Variants in DNAAF9 observed in about 807,000 individuals in gnomAD.
DNAAF9 encodes the protein shulin.
Under a neutral mutation model 167.0 loss-of-function variants are expected in DNAAF9, and 90 were observed. The ratio of observed to expected loss-of-function variants is 0.54; its 90% CI spans 0.45 to 0.64. The LOEUF (loss-of-function observed/expected upper bound fraction) is 0.64, where lower values mean the gene tolerates loss of function less well. Ranked by LOEUF, DNAAF9 falls within the 30% of genes least tolerant of loss-of-function variation. The pLI is 0.00. For synonymous variants in DNAAF9, 491 were observed against 508.8 expected, an observed-to-expected ratio of 0.96 and a Z score of 0.47; for missense variants, 1,315 against 1,442.2, an observed-to-expected ratio of 0.91 and a Z score of 1.43.
intron 29 of DNAAF9, among the ~76,000 whole-genome samples, chr20:3,271,681 T>G (rs888365570): frequency 4.0e-5 from 6 of 151,676 alleles, no homozygotes; most frequent in African/African-American, 1.5e-4. Context: ...GAGTGCAATG[T>G]TGCAATCTCA....
intron 6 of DNAAF9, among the ~76,000 whole-genome samples, chr20:3,366,520 C>T (rs557113219): frequency 6.6e-6 from 1 of 152,258 alleles, no homozygotes; most frequent in East Asian, 1.9e-4. Context: ...CCTAGGATTT[C>T]CAGAATGGTA....
chr20:3,291,255 C>T (rs2068946984), intron 25 of DNAAF9, among the ~76,000 whole-genome samples: 2 of 151,920 alleles, frequency 1.3e-5, no homozygotes, highest in Non-Finnish European at 1.5e-5. Context: ...AAAAAGGAGG[C>T]ATCAGGCAGG....
At chr20:3,360,392 C>T (rs899180510) in intron 6 of DNAAF9, among the ~76,000 whole-genome samples, 1 of 152,204 alleles carries the variant, frequency 6.6e-6, no homozygotes, top group African/African-American at 2.4e-5. Context: ...GCTGGGATTA[C>T]AAGTGTGAGC....
intron 16 of DNAAF9, among the ~76,000 whole-genome samples, chr20:3,321,999 G>A (rs1422802220): frequency 1.3e-5 from 2 of 152,194 alleles, no homozygotes; most frequent in Non-Finnish European, 2.9e-5. Flanking sequence ...GGAAGCCTAG[G>A]CAAGGGAGAA....
chr20:3,319,995 C>T (rs1438656498), intron 16 of DNAAF9, among the ~76,000 whole-genome samples: 1 of 152,106 alleles, frequency 6.6e-6, no homozygotes, highest in East Asian at 1.9e-4. Flanking sequence ...GTGGACAGAT[C>T]CTGGGGGTTC....
chr20:3,378,946 C>A (rs1333355301), intron 3 of DNAAF9, among the ~76,000 whole-genome samples: 2 of 151,080 alleles, frequency 1.3e-5, no homozygotes, highest in Non-Finnish European at 3.0e-5. Flanking sequence ...TAGGTAAGCA[C>A]AAGAGTCAAA....
At chr20:3,285,675 T>C (rs2068838652) in intron 27 of DNAAF9, among the ~76,000 whole-genome samples, 1 of 130,258 alleles carries the variant, frequency 7.7e-6, no homozygotes, top group African/African-American at 3.0e-5. Flanking sequence ...TGAGACTCTG[T>C]CTCATTAAAA....
intron 3 of DNAAF9, among the ~76,000 whole-genome samples, chr20:3,378,606 C>A (rs1268520678): frequency 6.6e-6 from 1 of 152,150 alleles, no homozygotes; most frequent in Non-Finnish European, 1.5e-5. Flanking sequence ...CATTCTATGG[C>A]TCCTCAGAAA....
In DNAAF9 at chr20:3,407,616, G is replaced by A. The variant is rs1284058764; in HGVS notation, c.-59C>T. On this transcript the variant is annotated 5_prime_UTR_variant, in exon 1 of 37. Transcript: ENST00000252032. Reference sequence around the variant, plus strand: ...GCAGCTGCGAGGGTCTCAGTTGCCCGCAGGGCGGCTCCACGCTAGCTGCGG... The same window carrying A: ...GCAGCTGCGAGGGTCTCAGTTGCCCACAGGGCGGCTCCACGCTAGCTGCGG... The A allele has an allele frequency of 1.7e-6, 2 of 1,199,162 alleles. No homozygotes were observed. The highest frequency in any genetic ancestry group is 3.3e-4 in the Middle Eastern group (1 of 3,052). The allele number at this position is 1,199,162 out of a possible 1,614,324, so 74.3% of individuals were successfully genotyped here.
intron 1 of DNAAF9, among the ~76,000 whole-genome samples, chr20:3,404,368 CT>C (rs1479973708): frequency 1.1e-4 from 16 of 152,296 alleles, no homozygotes; most frequent in African/African-American, 3.9e-4. Context: ...TGTCAACAAT[CT>C]CATTCGGCTT....
At chr20:3,334,945 C>G (rs2069908383) in intron 10 of DNAAF9, among the ~76,000 whole-genome samples, 1 of 152,180 alleles carries the variant, frequency 6.6e-6, no homozygotes, top group Non-Finnish European at 1.5e-5. Flanking sequence ...ATGACTATCC[C>G]TTCATCTAGC....
chr20:3,379,405 C>T (rs2083617194), intron 3 of DNAAF9, among the ~76,000 whole-genome samples: 1 of 152,028 alleles, frequency 6.6e-6, no homozygotes, highest in African/African-American at 2.4e-5. Context: ...ACCAGCCTGG[C>T]CAACATGGTG....
intron 29 of DNAAF9, among the ~76,000 whole-genome samples, chr20:3,275,729 C>T (rs2068665804): frequency 6.6e-6 from 1 of 152,208 alleles, no homozygotes; most frequent in Non-Finnish European, 1.5e-5. Flanking sequence ...GGGCCAGGAG[C>T]TTCCTTCTGT....
At chr20:3,340,433 T>TCCGGGGGGGGGGGGCCCCCCCCCCCCCC in intron 10 of DNAAF9, 71 bp downstream of exon 10, 2 of 221,214 alleles carry the variant, frequency 9.0e-6, no homozygotes, top group Non-Finnish European at 9.5e-6. Context: ...TTTGTCTAGC[T>TCCGGGGGGGGGGGGCCCCCCCCCCCCCC]CCCCCCACCC....
chr20:3,374,182 A>C, intron 5 of DNAAF9, 28 bp from the exon 6 acceptor site: 3 of 1,403,546 alleles, frequency 2.1e-6, no homozygotes, highest in Non-Finnish European at 3.0e-6. Context: ...AACAACACAT[A>C]TCAGATACCA....
intron 29 of DNAAF9, among the ~76,000 whole-genome samples, chr20:3,272,254 C>A (rs186709777): frequency 2.1e-4 from 32 of 152,198 alleles, no homozygotes; most frequent in Admixed American, 5.2e-4. Flanking sequence ...AATCAGGAAC[C>A]AAAGGAAGTC....
chr20:3,343,328 A>G (rs1218657262), intron 9 of DNAAF9, among the ~76,000 whole-genome samples: 4 of 151,886 alleles, frequency 2.6e-5, no homozygotes, highest in Non-Finnish European at 5.9e-5. Flanking sequence ...ACACCTGGCT[A>G]ATTTTTGTAT....
chr20:3,332,897 T>TGGG lies in DNAAF9; in HGVS notation c.982-537_982-536insCCC, dbSNP rs776497912. Reference sequence around the variant, plus strand: ...GTGCATGCGTGTGTGCGTGTGTGCGTGTGGTGTGTGTGTGTGTGTGTGTGT... The same window carrying TGGG: ...GTGCATGCGTGTGTGCGTGTGTGCGTGGGGTGGTGTGTGTGTGTGTGTGTGTGT... On this transcript the variant is annotated intron_variant, in intron 10 of 36. Transcript: ENST00000252032. Among the ~76,000 whole-genome samples, 147 of 131,688 alleles carry TGGG rather than the reference T, an allele frequency of 1.1e-3. 1 individual carries two copies. The highest frequency in any genetic ancestry group is 4.0e-3 in the African/African-American group (144 of 35,850). The allele number at this position is 131,688 out of a possible 152,430, so 86.4% of individuals were successfully genotyped here.
rs78566202 is a variant in DNAAF9, at chr20:3,354,597, T to G, written c.690+4919A>C. On this transcript the variant is annotated intron_variant, in intron 7 of 36. Coordinates refer to ENST00000252032, the MANE Select transcript of DNAAF9 (RefSeq NM_001009984.3). The stretch of plus-strand genomic sequence containing the variant: ...TCTCTCAAAATTCAGCAGAGGACTA[T>G]TCTGGCACTTTCAGAAAGCCTCCTT... 7.2e-4 allele frequency among the ~76,000 whole-genome samples: 109 copies of G among 152,356 alleles called. 3 individuals carry two copies. The East Asian group carries it at 0.014, about 20-fold the overall frequency.
Sources: gnomAD v4.1 joint callset for allele counts (sites outside exome capture counted in the v4.1 genomes callset) on GRCh38, gnomAD v4.1.1 for gene constraint, MANE v1.5 for transcripts, NCBI Gene and HGNC (gene_info 2026-07-23, HGNC 2026-07-21) for gene names.